Variants in ASTN1 observed in about 807,000 individuals in gnomAD.
ASTN1 encodes the protein astrotactin-1.
ASTN1 carries 41 observed loss-of-function variants against 140.7 expected under a neutral mutation model. The ratio of observed to expected loss-of-function variants is 0.29; its 90% CI spans 0.23 to 0.38. The LOEUF (loss-of-function observed/expected upper bound fraction) is 0.38, where lower values mean the gene tolerates loss of function less well. Among genes scored for constraint, ASTN1 ranks in the 10% least tolerant of loss-of-function variants. The pLI, the probability that ASTN1 is intolerant of heterozygous loss-of-function variation, is 1.00. For missense variants in ASTN1, 1,479 were observed against 1,678.8 expected (o/e 0.88, Z 2.08); for synonymous variants, 640 against 652.2 (o/e 0.98, Z 0.29).
intron 16 of ASTN1, among the ~76,000 whole-genome samples, chr1:176,927,463 GA>G (rs908335886): frequency 2.9e-4 from 44 of 151,766 alleles, no homozygotes; most frequent in Non-Finnish European, 4.9e-4. Flanking sequence ...AAAAGAAAAA[GA>G]AAAAAAATGT....
At chr1:177,153,933 C>T (rs900426850) in intron 1 of ASTN1, among the ~76,000 whole-genome samples, 6 of 151,994 alleles carry the variant, frequency 3.9e-5, no homozygotes, top group African/African-American at 1.5e-4. Context: ...TGCCAAGTGT[C>T]GGTGGGAGTA....
intron 8 of ASTN1, among the ~76,000 whole-genome samples, chr1:177,006,309 C>G (rs12135256): frequency 0.56 from 84,478 of 151,820 alleles, 23,997 homozygotes; most frequent in African/African-American, 0.58. Context: ...GCAAGCATTT[C>G]ATGTATAGAA....
At chr1:177,117,038 AG>A (rs1681123159) in intron 1 of ASTN1, among the ~76,000 whole-genome samples, 2 of 152,166 alleles carry the variant, frequency 1.3e-5, no homozygotes, top group African/African-American at 4.8e-5. Flanking sequence ...CTCTTAAAGT[AG>A]GTGTCTACGT....
chr1:177,043,393 G>A (rs1420702557), intron 2 of ASTN1, among the ~76,000 whole-genome samples: 1 of 152,214 alleles, frequency 6.6e-6, no homozygotes, highest in Non-Finnish European at 1.5e-5. Flanking sequence ...TGATAGATTT[G>A]GAGAAGACAG....
chr1:177,112,640 C>T (rs770089161), intron 1 of ASTN1, among the ~76,000 whole-genome samples: 2 of 152,212 alleles, frequency 1.3e-5, no homozygotes, highest in Non-Finnish European at 2.9e-5. Flanking sequence ...TTCTCTTCAT[C>T]TCACATCCCT....
At chr1:176,907,706 G>GC (rs1230099419) in intron 16 of ASTN1, among the ~76,000 whole-genome samples, 1 of 152,160 alleles carries the variant, frequency 6.6e-6, no homozygotes, top group African/African-American at 2.4e-5. Context: ...CCTGTAGACA[G>GC]CCCCATTCAA....
At chr1:176,928,122 T>C (rs544574096) in intron 16 of ASTN1, among the ~76,000 whole-genome samples, 1 of 151,036 alleles carries the variant, frequency 6.6e-6, no homozygotes, top group Non-Finnish European at 1.5e-5. Context: ...AATAATTAAA[T>C]ATATATGTAT....
At chr1:177,106,288 A>G (rs1680541257) in intron 1 of ASTN1, among the ~76,000 whole-genome samples, 1 of 152,162 alleles carries the variant, frequency 6.6e-6, no homozygotes, top group Non-Finnish European at 1.5e-5. Flanking sequence ...GATGACACAA[A>G]TGTATCCTTT....
Position 177,164,421 on chromosome 1 carries a change from T to C in ASTN1, c.256A>G (p.Asn86Asp). The part of the protein sequence containing the change: ...GEMVVVDDLE[N>D]TELPYFVLEI... ...AGCACGAAGTAGGGCAGCTCCGTGT[T>C]CTCCAGGTCGTCCACCACGACCATT... is the stretch of plus-strand genomic sequence containing the variant. Residue 86 changes from asparagine (N) to aspartate (D), a missense_variant, in exon 1 of 23, where the codon AAC becomes GAC. Physicochemically the swap from Asn to Asp is conservative, Grantham distance 23. This residue lies in a region of ASTN1 where 729 missense variants were observed against 860.4 expected (regional missense o/e 0.85). Transcript: ENST00000361833. 6.2e-7 allele frequency: 1 copy of C among 1,611,878 alleles called. No individual in the cohort carries two copies. The highest frequency in any genetic ancestry group is 1.7e-4 in the Middle Eastern group (1 of 6,040).
chr1:176,958,790 G>A (rs2235301), intron 9 of ASTN1, among the ~76,000 whole-genome samples: 28,486 of 152,144 alleles, frequency 0.19, 2,713 homozygotes, highest in Admixed American at 0.23. Flanking sequence ...CCTGTCTTGA[G>A]TCAGATATAA....
At chr1:177,090,018 AAC>A (rs895662098) in intron 1 of ASTN1, among the ~76,000 whole-genome samples, 135 of 151,314 alleles carry the variant, frequency 8.9e-4, no homozygotes, top group Admixed American at 1.2e-3. Context: ...ACACACACAC[AAC>A]ACACACACAC....
intron 21 of ASTN1, among the ~76,000 whole-genome samples, chr1:176,872,276 G>T (rs960196481): frequency 1.7e-4 from 25 of 150,778 alleles, no homozygotes; most frequent in African/African-American, 5.6e-4. Context: ...AATTGTTTTC[G>T]AGTGCTTACT....
chr1:177,036,210 C>T (rs1558048986), intron 2 of ASTN1, among the ~76,000 whole-genome samples: 4 of 151,746 alleles, frequency 2.6e-5, no homozygotes, highest in Non-Finnish European at 5.9e-5. Context: ...ACCACCACGC[C>T]CGGCTAATTT....
chr1:176,959,814 G>A (rs1260345232), intron 9 of ASTN1, among the ~76,000 whole-genome samples: 1 of 152,152 alleles, frequency 6.6e-6, no homozygotes, highest in Admixed American at 6.5e-5. Context: ...GTGAACCTCT[G>A]CATTAAGCAG....
downstream of ASTN1, among the ~76,000 whole-genome samples, chr1:176,859,809 C>G (rs1227817432): frequency 6.6e-6 from 1 of 152,138 alleles, no homozygotes; most frequent in African/African-American, 2.4e-5. Flanking sequence ...AAACAAAATC[C>G]TTAGTGGCTT....
intron 2 of ASTN1, among the ~76,000 whole-genome samples, chr1:177,040,864 T>C (rs910498586): frequency 1.1e-4 from 16 of 152,220 alleles, no homozygotes; most frequent in Non-Finnish European, 5.9e-5. Context: ...TGGAGGCTAG[T>C]GTGCTGGAGT....
At chr1:177,124,517 C>T (rs1196021211) in intron 1 of ASTN1, among the ~76,000 whole-genome samples, 1 of 152,122 alleles carries the variant, frequency 6.6e-6, no homozygotes. Context: ...TTTGGCTAAA[C>T]ACTGTATCAT....
At chr1:176,903,463 A>G (rs985550087) in intron 16 of ASTN1, among the ~76,000 whole-genome samples, 4 of 152,088 alleles carry the variant, frequency 2.6e-5, no homozygotes, top group African/African-American at 7.2e-5. Context: ...CGAAGTGAGG[A>G]TGTACCCCTC....
chr1:176,965,311 C>T, intron 8 of ASTN1, 74 bp from the exon 9 acceptor site: 1 of 1,507,662 alleles, frequency 6.6e-7, no homozygotes, highest in Non-Finnish European at 9.2e-7. Flanking sequence ...GTATCAGGCA[C>T]AGTGCTAGGT....
Sources: allele counts gnomAD v4.1 joint callset (sites outside exome capture counted in the v4.1 genomes callset), GRCh38; gene constraint gnomAD v4.1.1; regional missense constraint gnomAD v4.1.1; transcripts MANE v1.5; gene names NCBI Gene and HGNC (gene_info 2026-07-23, HGNC 2026-07-21).